The following RPA1 variants were observed in gnomAD, a reference collection of about 807,000 sequenced individuals.
The protein encoded by RPA1 is replication protein A 70 kDa DNA-binding subunit.
A neutral mutation model predicts 83.0 loss-of-function variants in RPA1; 49 were observed. The ratio of observed to expected loss-of-function variants is 0.59; its 90% confidence interval spans 0.47 to 0.75. RPA1 has a LOEUF of 0.75. Ranked by LOEUF, RPA1 falls within the 30% of genes least tolerant of loss-of-function variation. The probability of loss-of-function intolerance (pLI) is 0.00; values close to 1 mark genes in which losing one functional copy is unlikely to be tolerated. For synonymous variants in RPA1, 279 were observed against 281.8 expected (o/e 0.99, Z 0.10); for missense variants, 693 against 776.1 (o/e 0.89, Z 1.27).
At chr17:1,876,469 C>T (rs1913578134) in intron 7 of RPA1, among the ~76,000 whole-genome samples, 1 of 152,136 alleles carries the variant, frequency 6.6e-6, no homozygotes, top group African/African-American at 2.4e-5. Flanking sequence ...GCAGAAGAAT[C>T]GCTTGAACCC....
intron 14 of RPA1, among the ~76,000 whole-genome samples, chr17:1,891,307 C>T (rs1296999614): frequency 6.6e-6 from 1 of 152,162 alleles, no homozygotes; most frequent in African/African-American, 2.4e-5. Context: ...GTCTGGGTGC[C>T]CAGCAGTGAC....
Position 1,858,073 on chromosome 17 carries a change from G to A in RPA1, c.361+4884G>A. ...TGCCAGCCCCATAGAGGACAACACA[G>A]TAAGAACCAGGACAACCACTCCAGA... is the stretch of plus-strand genomic sequence containing the variant. On this transcript the variant is annotated intron_variant, in intron 5 of 16. Coordinates refer to ENST00000254719, the MANE Select transcript of RPA1 (RefSeq NM_002945.5). The A allele has an allele frequency of 1.9e-6, 3 of 1,613,404 alleles. No homozygotes were observed. The South Asian group carries it at 3.3e-5, about 18-fold the overall frequency.
Position 1,872,550 on chromosome 17 carries a change from G to T in RPA1, c.454+24G>T, listed in dbSNP as rs185322768. 1.1e-4 allele frequency: 178 copies of T among 1,611,132 alleles called. 1 individual carries two copies. In the African/African-American group the frequency reaches 2.2e-3, roughly 20 times the overall value. On this transcript the variant is annotated intron_variant, in intron 6 of 16. Transcript: ENST00000254719. ...GGGTGAGATGCCTCACGGGGCGTGC[G>T]CTGACCAGGGGTGTCAGACTTCGGA...
Position 1,877,307 on chromosome 17 carries a change from A to G in RPA1, c.683A>G (p.Asp228Gly). ...EGKLFSLELV[D>G]ESGEIRATAF... ...AAGCTTTTCTCCCTAGAACTGGTTGACGAAAGTGTGAGTGTTTGTCATGCT... is the reference window on the plus strand; with the variant it reads ...AAGCTTTTCTCCCTAGAACTGGTTGGCGAAAGTGTGAGTGTTTGTCATGCT... Residue 228 changes from aspartate (D) to glycine (G), a missense_variant, in exon 8 of 17, where the codon GAC (aspartate) becomes GGC (glycine). Asp to Gly is a moderately conservative substitution (Grantham distance 94, BLOSUM62 -1). Coordinates refer to ENST00000254719, the MANE Select transcript of RPA1 (RefSeq NM_002945.5). 6.2e-7 allele frequency: 1 copy of G among 1,613,994 alleles called. No homozygotes were observed. Among genetic ancestry groups the G allele is most frequent in the Non-Finnish European group, 8.5e-7 (1 of 1,179,930 alleles).
At chr17:1,859,619 T>G (rs1912862030) in intron 5 of RPA1, among the ~76,000 whole-genome samples, 1 of 152,116 alleles carries the variant, frequency 6.6e-6, no homozygotes, top group South Asian at 2.1e-4. Context: ...TTTGGCGTTT[T>G]TTTTGTTTTG....
chr17:1,894,024 CT>C, intron 15 of RPA1, among the ~76,000 whole-genome samples: 1 of 126,684 alleles, frequency 7.9e-6, no homozygotes, highest in Admixed American at 8.7e-5. Flanking sequence ...CCATACCTGG[CT>C]TAAGTTTTTT....
chr17:1,850,638 G>A (rs915281915), intron 4 of RPA1, among the ~76,000 whole-genome samples: 5 of 151,868 alleles, frequency 3.3e-5, no homozygotes, highest in East Asian at 1.9e-4. Flanking sequence ...GCTCATGCTT[G>A]TAATCCCAGC....
chr17:1,838,619 AAAG>A (rs1911914894), intron 1 of RPA1, among the ~76,000 whole-genome samples: 1 of 151,962 alleles, frequency 6.6e-6, no homozygotes. Flanking sequence ...AAAAAAAAAA[AAAG>A]AAATCTTTGC....
chr17:1,862,892 A>G (rs1340884335), intron 5 of RPA1, among the ~76,000 whole-genome samples: 3 of 147,476 alleles, frequency 2.0e-5, no homozygotes, highest in Non-Finnish European at 4.5e-5. Context: ...TAATTTTTGT[A>G]TTTTTAGTAG....
At position 1,842,814 on chromosome 17, in the gene RPA1, G is replaced by C; in HGVS notation, c.45G>C (p.Gln15His). 6.2e-7 allele frequency: 1 copy of C among 1,614,134 alleles called. No individual in the cohort carries two copies. The highest frequency in any genetic ancestry group is 8.5e-7 in the Non-Finnish European group (1 of 1,179,998). The change falls in exon 2 of 17, where the codon CAG becomes CAC. Residue 15 changes from glutamine to histidine, a missense_variant. Coordinates refer to ENST00000254719, the MANE Select transcript of RPA1 (RefSeq NM_002945.5). The stretch of plus-strand genomic sequence containing the variant: ...TTTTACTCCCTCAGGCCATCATGCA[G>C]AAGGGGGATACAAACATAAAGCCCA... ...LSEGAIAAIM[Q>H]KGDTNIKPIL...
intron 14 of RPA1, among the ~76,000 whole-genome samples, chr17:1,890,665 T>C (rs540918571): frequency 1.3e-5 from 2 of 152,178 alleles, no homozygotes; most frequent in Admixed American, 6.5e-5. Flanking sequence ...TCCATCTCAA[T>C]AAATAAATAA....
chr17:1,877,340 G>T (rs768518718), intron 8 of RPA1, 26 bp downstream of exon 8: 1 of 1,601,950 alleles, frequency 6.2e-7, no homozygotes, highest in Admixed American at 1.7e-5. Flanking sequence ...GCTGGGGAGT[G>T]AGGGCAGTGG....
At chr17:1,863,372 C>T (rs966530482) in intron 5 of RPA1, among the ~76,000 whole-genome samples, 9 of 151,810 alleles carry the variant, frequency 5.9e-5, no homozygotes, top group East Asian at 1.9e-4. Context: ...CCACCACACT[C>T]AGCTAATTTT....
At position 1,895,118 on chromosome 17, in the gene RPA1, G is replaced by A. The variant is rs570372118; in HGVS notation, c.1746+23G>A. Reference sequence around the variant, plus strand: ...AACGTAAGTAAGGGCCTGGGCAGCAGGGTTGGTGGTGGGGAGGTGCTGTTT... The same window carrying A: ...AACGTAAGTAAGGGCCTGGGCAGCAAGGTTGGTGGTGGGGAGGTGCTGTTT... On this transcript the variant is annotated intron_variant, in intron 16 of 16. Coordinates refer to ENST00000254719, the MANE Select transcript of RPA1 (RefSeq NM_002945.5). 1.2e-5 allele frequency: 19 copies of A among 1,598,124 alleles called. No homozygotes were observed. The African/African-American group carries it at 2.4e-4, about 20-fold the overall frequency.
At chr17:1,893,726 A>G (rs1464697973) in intron 15 of RPA1, among the ~76,000 whole-genome samples, 1 of 151,734 alleles carries the variant, frequency 6.6e-6, no homozygotes, top group East Asian at 1.9e-4. Flanking sequence ...TGAGAGAGGG[A>G]AAAGGATTGT....
intron 1 of RPA1, 100 bp downstream of exon 1, chr17:1,830,226 G>A (rs1243229417): frequency 5.8e-5 from 35 of 599,770 alleles, no homozygotes; most frequent in Non-Finnish European, 7.4e-5. Flanking sequence ...GACGGGGGAT[G>A]AACGCGAGGG....
chr17:1,837,292 A>G (rs955516439), intron 1 of RPA1, among the ~76,000 whole-genome samples: 1 of 152,140 alleles, frequency 6.6e-6, no homozygotes, highest in East Asian at 1.9e-4. Flanking sequence ...AGATTTACCC[A>G]TGTTAATTCA....
At chr17:1,854,139 A>G (rs1912601308) in intron 5 of RPA1, 1 of 152,222 alleles carries the variant, frequency 6.6e-6, no homozygotes, top group Non-Finnish European at 1.5e-5. Flanking sequence ...ATCCTAAAAG[A>G]AGCTGAAAAA....
intron 12 of RPA1, among the ~76,000 whole-genome samples, chr17:1,881,312 C>T (rs1913788162): frequency 6.6e-6 from 1 of 152,112 alleles, no homozygotes; most frequent in Admixed American, 6.6e-5. Context: ...CACTTTCACC[C>T]AAGCTTCAAT....
Sources: gnomAD v4.1 joint callset for allele counts (sites outside exome capture counted in the v4.1 genomes callset) on GRCh38, gnomAD v4.1.1 for gene constraint, MANE v1.5 for transcripts, NCBI Gene and HGNC (gene_info 2026-07-23, HGNC 2026-07-21) for gene names.